The following ABCA12 variants were observed in gnomAD, a reference collection of about 807,000 sequenced individuals.
ABCA12 encodes the protein glucosylceramide transporter ABCA12.
In ABCA12, 156 loss-of-function variants were observed where a neutral mutation model predicts 293.5. That is an observed-to-expected ratio of 0.53 (90% confidence interval 0.47 to 0.61). ABCA12 has a LOEUF of 0.61. Among genes scored for constraint, ABCA12 ranks in the 20% least tolerant of loss-of-function variants. ABCA12 has a pLI of 0.00. For missense variants in ABCA12, 2,797 were observed against 3,090.2 expected (o/e 0.91, Z 2.25); for synonymous variants, 1,063 against 1,108.0 (o/e 0.96, Z 0.81).
intron 1 of ABCA12, among the ~76,000 whole-genome samples, chr2:215,112,691 T>G (rs1021585169): frequency 2.0e-5 from 3 of 151,872 alleles, no homozygotes; most frequent in South Asian, 2.1e-4. Context: ...AGAGATGAGG[T>G]TCCACCATCT....
intron 1 of ABCA12, among the ~76,000 whole-genome samples, chr2:215,119,754 G>GA (rs1702764999): frequency 7.8e-6 from 1 of 127,554 alleles, no homozygotes; most frequent in African/African-American, 4.3e-5. Context: ...AAAAAAAAAT[G>GA]AAAACAAAAC....
intron 27 of ABCA12, among the ~76,000 whole-genome samples, chr2:214,987,364 G>A (rs1008587774): frequency 1.3e-5 from 2 of 151,984 alleles, no homozygotes; most frequent in South Asian, 2.1e-4. Context: ...GTAGATTGTG[G>A]CCAAGGAACA....
chr2:215,046,085 T>A (rs1261191752), intron 6 of ABCA12, 70 bp from the exon 7 acceptor site: 12 of 1,499,988 alleles, frequency 8.0e-6, no homozygotes, highest in Non-Finnish European at 1.1e-5. Context: ...TTTGCTGTTT[T>A]TAAAAGCATC....
intron 1 of ABCA12, among the ~76,000 whole-genome samples, chr2:215,128,457 A>C (rs1261517567): frequency 1.3e-5 from 2 of 152,202 alleles, no homozygotes; most frequent in East Asian, 3.9e-4. Context: ...TGGTCATTTA[A>C]CGTAATTTTA....
intron 30 of ABCA12, 52 bp from the exon 31 acceptor site, chr2:214,980,695 C>A: frequency 1.2e-6 from 2 of 1,608,448 alleles, no homozygotes; most frequent in Non-Finnish European, 1.7e-6. Context: ...AGTACAGTTC[C>A]CAAGACACAC....
rs574527633 is a variant in ABCA12 at position 214,985,831 on chromosome 2, G to A, written c.4163+711C>T. 2.6e-5 allele frequency among the ~76,000 whole-genome samples: 4 copies of A among 152,344 alleles called. No individual in the cohort carries two copies. The East Asian group carries it at 5.8e-4, about 22-fold the overall frequency. The stretch of plus-strand genomic sequence containing the variant: ...ATCTTAGAGCTGACTCAGCAACTAA[G>A]TGAATATGGAGCATTGGAGGCAAAT... On this transcript the variant is annotated intron_variant, in intron 28 of 52. Coordinates refer to ENST00000272895, the MANE Select transcript of ABCA12 (RefSeq NM_173076.3).
chr2:215,057,969 T>A (rs1003287894), intron 3 of ABCA12, among the ~76,000 whole-genome samples: 1 of 151,910 alleles, frequency 6.6e-6, no homozygotes, highest in African/African-American at 2.4e-5. Context: ...GCAAGTAAAA[T>A]AAGAAAACCA....
rs147835848 is a variant in ABCA12 at position 215,123,081 on chromosome 2, G to A, written c.70-11391C>T. On this transcript the variant is annotated intron_variant, in intron 1 of 52. Coordinates refer to ENST00000272895, the MANE Select transcript of ABCA12 (RefSeq NM_173076.3). ...AGTTCACTTAGGATAATGGCCTCCA[G>A]CTCCATCCATGTTGCTGCAAAGGAC... Among the ~76,000 whole-genome samples the A allele has an allele frequency of 5.3e-3, 807 of 152,268 alleles. 8 individuals carry two copies. Among genetic ancestry groups the A allele is most frequent in the African/African-American group, 0.017 (711 of 41,556 alleles).
rs761768258 is a variant in ABCA12 at position 215,138,137 on chromosome 2, C to T, written c.69+3G>A. Reference sequence around the variant, plus strand: ...CATACTCCCACACTTTTTTTTAACTCACCGGCTGCCTTTTTACACCTAGCC... The same window carrying T: ...CATACTCCCACACTTTTTTTTAACTTACCGGCTGCCTTTTTACACCTAGCC... On this transcript the variant is annotated splice_donor_region_variant and intron_variant, in intron 1 of 52. Transcript: ENST00000272895. The T allele has an allele frequency of 5.0e-6, 8 of 1,613,876 alleles. No homozygotes were observed. The Admixed American group carries it at 5.0e-5, about 10-fold the overall frequency.
intron 2 of ABCA12, among the ~76,000 whole-genome samples, chr2:215,093,797 C>T (rs1242490425): frequency 6.6e-6 from 1 of 152,194 alleles, no homozygotes. Context: ...TACCATTGTT[C>T]CTGGCCCAGA....
At chr2:215,100,772 T>A (rs1702342841) in intron 2 of ABCA12, among the ~76,000 whole-genome samples, 1 of 152,188 alleles carries the variant, frequency 6.6e-6, no homozygotes, top group Non-Finnish European at 1.5e-5. Context: ...GCATCTTTTT[T>A]TAACCATCTC....
At chr2:215,089,790 C>A (rs1447393147) in intron 2 of ABCA12, among the ~76,000 whole-genome samples, 1 of 152,134 alleles carries the variant, frequency 6.6e-6, no homozygotes, top group Admixed American at 6.6e-5. Flanking sequence ...ATATAAGAAC[C>A]ATTGATTTCC....
chr2:215,027,968 G>T (rs112620484), intron 9 of ABCA12, among the ~76,000 whole-genome samples: 19 of 152,334 alleles, frequency 1.2e-4, no homozygotes, highest in African/African-American at 4.1e-4. Flanking sequence ...GTAAGGCTAT[G>T]TGAATGAGTA....
intron 14 of ABCA12, among the ~76,000 whole-genome samples, chr2:215,016,614 A>G (rs923421420): frequency 1.4e-5 from 2 of 138,974 alleles, no homozygotes; most frequent in African/African-American, 2.6e-5. Context: ...AAAAAAAAAA[A>G]GACTTTGCTC....
chr2:215,007,118 G>T (rs776291671), intron 19 of ABCA12, among the ~76,000 whole-genome samples: 2 of 151,912 alleles, frequency 1.3e-5, no homozygotes, highest in Non-Finnish European at 2.9e-5. Context: ...CAGGTGATCC[G>T]CCCTCCTCAG....
chr2:215,121,208 C>A (rs1195635292), intron 1 of ABCA12, among the ~76,000 whole-genome samples: 1 of 152,162 alleles, frequency 6.6e-6, no homozygotes, highest in Non-Finnish European at 1.5e-5. Flanking sequence ...GGGAGTCTGG[C>A]TACACTAGCA....
chr2:215,117,519 C>T (rs1054176528), intron 1 of ABCA12, among the ~76,000 whole-genome samples: 1 of 152,138 alleles, frequency 6.6e-6, no homozygotes, highest in African/African-American at 2.4e-5. Flanking sequence ...TCTGCACCTG[C>T]TAAGAACTAT....
At chr2:215,076,904 A>G (rs74550328) in intron 2 of ABCA12, among the ~76,000 whole-genome samples, 1,716 of 152,334 alleles carry the variant, frequency 0.011, 29 homozygotes, top group African/African-American at 0.039. Context: ...TGCTATTTAC[A>G]TAACATTTAG....
At chr2:215,079,796 G>A (rs1484669893) in intron 2 of ABCA12, among the ~76,000 whole-genome samples, 1 of 152,154 alleles carries the variant, frequency 6.6e-6, no homozygotes, top group Non-Finnish European at 1.5e-5. Context: ...TAAATGAACA[G>A]AAGCGTTCAA....
Sources: gnomAD v4.1 joint callset for allele counts (sites outside exome capture counted in the v4.1 genomes callset) on GRCh38, gnomAD v4.1.1 for gene constraint, MANE v1.5 for transcripts, NCBI Gene and HGNC (gene_info 2026-07-23, HGNC 2026-07-21) for gene names.